Variants in HECW1 observed in about 807,000 individuals in gnomAD.
The protein encoded by HECW1 is E3 ubiquitin-protein ligase HECW1.
A neutral mutation model predicts 182.3 loss-of-function variants in HECW1; 61 were observed. The observed-to-expected ratio is 0.33, with a 90% CI of 0.27 to 0.41. The LOEUF is 0.41. Ranked by LOEUF, HECW1 falls within the 10% of genes least tolerant of loss-of-function variation. The pLI, the probability that HECW1 is intolerant of heterozygous loss-of-function variation, is 1.00. For synonymous variants in HECW1, 859 were observed against 832.6 expected (o/e 1.03, Z -0.55); for missense variants, 1,739 against 2,108.9 (o/e 0.82, Z 3.44).
At chr7:43,288,702 T>C (rs916499800) in intron 3 of HECW1, among the ~76,000 whole-genome samples, 1 of 152,204 alleles carries the variant, frequency 6.6e-6, no homozygotes, top group African/African-American at 2.4e-5. Context: ...TGGAAAATGC[T>C]GTGCAAAGGT....
chr7:43,148,131 G>A (rs1788917147), intron 2 of HECW1, among the ~76,000 whole-genome samples: 1 of 152,198 alleles, frequency 6.6e-6, no homozygotes. Context: ...ATCTGTGAAG[G>A]AAGGGGGCAG....
At chr7:43,128,510 T>G (rs1786531740) in intron 2 of HECW1, among the ~76,000 whole-genome samples, 1 of 152,234 alleles carries the variant, frequency 6.6e-6, no homozygotes, top group South Asian at 2.1e-4. Context: ...ATTCAAAATA[T>G]TACTGCTCAT....
intron 1 of HECW1, chr7:43,113,672 G>GT (rs59300763): frequency 0.054 from 10,216 of 187,508 alleles, 299 homozygotes; most frequent in Middle Eastern, 0.17. Flanking sequence ...GGGGCGGGGA[G>GT]GGGGGGGGAA....
intron 2 of HECW1, among the ~76,000 whole-genome samples, chr7:43,196,849 C>G (rs1486048059): frequency 6.6e-6 from 1 of 152,058 alleles, no homozygotes; most frequent in Non-Finnish European, 1.5e-5. Context: ...CATTCATGTG[C>G]ATCAGAAAGT....
chr7:43,276,290 CAT>C (rs370230453), intron 3 of HECW1, among the ~76,000 whole-genome samples: 11 of 152,152 alleles, frequency 7.2e-5, no homozygotes, highest in African/African-American at 2.4e-4. Context: ...TGTCAAGACT[CAT>C]AAGCTCTTTG....
rs7810040 is a variant in HECW1, at chr7:43,506,991, A to T, written c.3632-146A>T. ...AGGCTGAAGTAGCAGAATCGCTTGAACCCAGGAGGTGGAAGTTGCGGTAAG... is the reference window on the plus strand; with the variant it reads ...AGGCTGAAGTAGCAGAATCGCTTGATCCCAGGAGGTGGAAGTTGCGGTAAG... On this transcript the variant is annotated intron_variant, in intron 21 of 29. Coordinates refer to ENST00000395891, the MANE Select transcript of HECW1 (RefSeq NM_015052.5). The T allele has an allele frequency of 9.5e-3, 8,658 of 914,268 alleles. 501 individuals carry two copies. The African/African-American group carries it at 0.13, about 14-fold the overall frequency. 56.6% of individuals were successfully genotyped at this position (914,268 alleles called of 1,614,324 possible).
chr7:43,198,106 C>G (rs1030436770), intron 2 of HECW1, among the ~76,000 whole-genome samples: 1 of 150,868 alleles, frequency 6.6e-6, no homozygotes, highest in Non-Finnish European at 1.5e-5. Context: ...TTCACACACT[C>G]ACCCTACACA....
At chr7:43,424,369 C>G (rs1390187613) in intron 8 of HECW1, among the ~76,000 whole-genome samples, 4 of 152,188 alleles carry the variant, frequency 2.6e-5, no homozygotes, top group African/African-American at 9.7e-5. Flanking sequence ...CCTCTAATCC[C>G]AACACTTTGG....
intron 2 of HECW1, among the ~76,000 whole-genome samples, chr7:43,141,339 C>T (rs562179661): frequency 3.3e-4 from 50 of 152,338 alleles, no homozygotes; most frequent in African/African-American, 1.0e-3. Context: ...GACACAGGCA[C>T]GCTGACCCCC....
At chr7:43,309,978 AT>A (rs1808294864) in intron 3 of HECW1, among the ~76,000 whole-genome samples, 1 of 152,228 alleles carries the variant, frequency 6.6e-6, no homozygotes, top group African/African-American at 2.4e-5. Flanking sequence ...ACAACAGCCC[AT>A]TTACAGAGGA....
intron 6 of HECW1, among the ~76,000 whole-genome samples, chr7:43,388,076 G>C (rs911299195): frequency 7.9e-5 from 12 of 152,154 alleles, no homozygotes; most frequent in African/African-American, 2.9e-4. Context: ...GCAATTGATT[G>C]CCTCACCCTA....
chr7:43,158,615 A>C (rs1460662431), intron 2 of HECW1, among the ~76,000 whole-genome samples: 1 of 152,126 alleles, frequency 6.6e-6, no homozygotes, highest in Non-Finnish European at 1.5e-5. Flanking sequence ...TCTCCTGCAC[A>C]ATCCTTTACA....
intron 2 of HECW1, among the ~76,000 whole-genome samples, chr7:43,190,001 AAC>A (rs1425210760): frequency 6.6e-6 from 1 of 152,182 alleles, no homozygotes; most frequent in Non-Finnish European, 1.5e-5. Flanking sequence ...GAGAGAGAAA[AAC>A]TTACTGAGTG....
At chr7:43,201,801 A>G (rs1795037372) in intron 2 of HECW1, among the ~76,000 whole-genome samples, 1 of 152,208 alleles carries the variant, frequency 6.6e-6, no homozygotes, top group African/African-American at 2.4e-5. Context: ...TAAACGAAAA[A>G]AATATATGCT....
intron 6 of HECW1, among the ~76,000 whole-genome samples, chr7:43,365,800 A>G (rs971035101): frequency 6.6e-6 from 1 of 152,250 alleles, no homozygotes; most frequent in African/African-American, 2.4e-5. Context: ...TATTTGCCAA[A>G]GAACAAAGAA....
At position 43,114,153 on chromosome 7, in the gene HECW1, A is replaced by G; in HGVS notation, c.-266-4A>G. ...CCTTGTTTTCCCCCCTTCTCTTTGAAAAGATATCAATGCTATGTTCAGCAG... is the reference window on the plus strand; with the variant it reads ...CCTTGTTTTCCCCCCTTCTCTTTGAGAAGATATCAATGCTATGTTCAGCAG... On this transcript the variant is annotated splice_region_variant and splice_polypyrimidine_tract_variant and intron_variant, in intron 1 of 29. Coordinates refer to ENST00000395891, the MANE Select transcript of HECW1 (RefSeq NM_015052.5). The G allele has an allele frequency of 7.1e-6, 7 of 989,204 alleles. No individual in the cohort carries two copies. The highest frequency in any genetic ancestry group is 9.5e-6 in the Non-Finnish European group (7 of 735,314). 61.3% of individuals were successfully genotyped at this position (989,204 alleles called of 1,614,324 possible). A position where few individuals can be genotyped will look rare whatever the true frequency, so the allele number is the denominator to read the frequency against.
chr7:43,565,297 C>T lies in HECW1; in HGVS notation c.*3371C>T, dbSNP rs962297095. ...GAGACATATGATTTGGGGGAGCAGG[C>T]GTTAAACATGCAAGATCTAAATTTT... On this transcript the variant is annotated 3_prime_UTR_variant, in exon 30 of 30. Transcript: ENST00000395891. The T allele has an allele frequency of 4.9e-6, 1 of 206,122 alleles. No homozygotes were observed. Among genetic ancestry groups the T allele is most frequent in the East Asian group, 7.3e-5 (1 of 13,664 alleles). 12.8% of individuals were successfully genotyped at this position (206,122 alleles called of 1,614,324 possible).
chr7:43,246,134 G>GA (rs1325413735), intron 3 of HECW1, among the ~76,000 whole-genome samples: 1,354 of 128,918 alleles, frequency 0.011, 22 homozygotes, highest in African/African-American at 0.049. Context: ...CCATTTCTAT[G>GA]AAAAATAAAA....
At chr7:43,353,267 G>T (rs990274611) in intron 5 of HECW1, among the ~76,000 whole-genome samples, 2 of 152,046 alleles carry the variant, frequency 1.3e-5, no homozygotes, top group African/African-American at 4.8e-5. Flanking sequence ...TTTTCAGCTA[G>T]AATGGGAAAT....
Sources: gnomAD v4.1 joint callset for allele counts (sites outside exome capture counted in the v4.1 genomes callset) on GRCh38, gnomAD v4.1.1 for gene constraint, MANE v1.5 for transcripts, NCBI Gene and HGNC (gene_info 2026-07-23, HGNC 2026-07-21) for gene names.